ETF1: variants seen among roughly 807,000 people sequenced by gnomAD.
ETF1 encodes the protein eukaryotic peptide chain release factor subunit 1.
Under a neutral mutation model 55.1 loss-of-function variants are expected in ETF1, and 4 were observed. That is an observed-to-expected ratio of 0.07 (90% CI 0.04 to 0.17). ETF1 has a LOEUF of 0.17. Among genes scored for constraint, ETF1 ranks in the 10% least tolerant of loss-of-function variants. The pLI, the probability that ETF1 is intolerant of heterozygous loss-of-function variation, is 1.00. For missense variants in ETF1, 142 were observed against 523.6 expected (o/e 0.27, Z 7.11); for synonymous variants, 157 against 182.3 (o/e 0.86, Z 1.12).
In ETF1 at chr5:138,508,026, C is replaced by G; in HGVS notation, c.*279G>C. 1 of 352,406 alleles carries G rather than the reference C, an allele frequency of 2.8e-6. No homozygotes were observed. Among genetic ancestry groups the G allele is most frequent in the Non-Finnish European group, 5.1e-6 (1 of 196,322 alleles). 21.8% of individuals were successfully genotyped at this position (352,406 alleles called of 1,614,324 possible). A position where few individuals can be genotyped will look rare whatever the true frequency, so the allele number is the denominator to read the frequency against. On this transcript the variant is annotated 3_prime_UTR_variant, in exon 11 of 11. Transcript: ENST00000360541. ...AAAATACAAGAGCAACCAATTTCAC[C>G]ATCCAGTAAAAGTAAAAACTGGGAT...
At chr5:138,527,429 C>A (rs1183458845) in intron 2 of ETF1, among the ~76,000 whole-genome samples, 1 of 152,226 alleles carries the variant, frequency 6.6e-6, no homozygotes, top group Non-Finnish European at 1.5e-5. Flanking sequence ...TGATACACTG[C>A]TTCAGTTATC....
chr5:138,542,781 T>A lies in ETF1; in HGVS notation c.86+52A>T, dbSNP rs533944230. The A allele has an allele frequency of 1.1e-4, 182 of 1,602,746 alleles. 2 individuals are homozygous for A. The South Asian group carries it at 1.8e-3, about 16-fold the overall frequency. On this transcript the variant is annotated intron_variant, in intron 2 of 10. Coordinates refer to ENST00000360541, the MANE Select transcript of ETF1 (RefSeq NM_004730.4). ...CCATGCGGCGCGGGGGCGTCCATCC[T>A]GAGGGGTCCGGGAACCAAGAGGGCA... is the stretch of plus-strand genomic sequence containing the variant.
At chr5:138,540,744 C>A (rs1055375216) in intron 2 of ETF1, among the ~76,000 whole-genome samples, 1 of 152,188 alleles carries the variant, frequency 6.6e-6, no homozygotes, top group Non-Finnish European at 1.5e-5. Context: ...ACTTGAAATA[C>A]AAGTTGTGTC....
At chr5:138,517,319 C>T (rs916868372) in intron 4 of ETF1, among the ~76,000 whole-genome samples, 43 of 151,028 alleles carry the variant, frequency 2.8e-4, no homozygotes, top group Middle Eastern at 3.5e-3. Context: ...TGCAGTGAGC[C>T]GAGATCATAC....
rs1053336007 is a variant in ETF1, at chr5:138,506,162, A to G, written c.*2143T>C. On this transcript the variant is annotated 3_prime_UTR_variant, in exon 11 of 11. Transcript: ENST00000360541. ...TCACAACACCAAGATTTTGCTGCTTAGTATCTCTCTGCAGAGGCTATAGAG... is the reference window on the plus strand; with the variant it reads ...TCACAACACCAAGATTTTGCTGCTTGGTATCTCTCTGCAGAGGCTATAGAG... 3.3e-5 allele frequency: 5 copies of G among 152,644 alleles called. No homozygotes were observed. The highest frequency in any genetic ancestry group is 1.2e-4 in the African/African-American group (5 of 41,450). 9.5% of individuals were successfully genotyped at this position (152,644 alleles called of 1,614,324 possible).
chr5:138,517,824 G>C, intron 3 of ETF1, 124 bp from the exon 4 acceptor site: 1 of 1,300,152 alleles, frequency 7.7e-7, no homozygotes, highest in East Asian at 2.8e-5. Context: ...AAATAAAGCA[G>C]AAAAAGCTTG....
intron 2 of ETF1, among the ~76,000 whole-genome samples, chr5:138,526,547 T>C (rs142214536): frequency 6.6e-6 from 1 of 152,212 alleles, no homozygotes; most frequent in African/African-American, 2.4e-5. Context: ...GCCTACCCCC[T>C]GCCCCCCAGG....
At chr5:138,525,733 G>A (rs1203947569) in intron 2 of ETF1, among the ~76,000 whole-genome samples, 1 of 151,798 alleles carries the variant, frequency 6.6e-6, no homozygotes. Context: ...ATCACCTGAG[G>A]TCAGGAGTTC....
intron 2 of ETF1, among the ~76,000 whole-genome samples, chr5:138,522,958 A>C (rs1219761251): frequency 6.6e-6 from 1 of 152,104 alleles, no homozygotes; most frequent in East Asian, 1.9e-4. Context: ...GTTAGCCAAG[A>C]TAGCGCCACT....
At chr5:138,511,683 C>G (rs1190516077) in intron 6 of ETF1, 79 bp from the exon 7 acceptor site, 1 of 1,477,738 alleles carries the variant, frequency 6.8e-7, no homozygotes, top group Non-Finnish European at 9.0e-7. Context: ...CTCAAACCCA[C>G]TAACTCTTAA....
intron 2 of ETF1, among the ~76,000 whole-genome samples, chr5:138,533,441 A>G (rs1270440909): frequency 6.6e-6 from 1 of 152,132 alleles, no homozygotes; most frequent in Non-Finnish European, 1.5e-5. Context: ...TAATCCCAGC[A>G]CTTTGAGAGG....
intron 2 of ETF1, among the ~76,000 whole-genome samples, chr5:138,536,736 A>T (rs1011873458): frequency 1.2e-4 from 18 of 152,114 alleles, no homozygotes; most frequent in African/African-American, 4.3e-4. Flanking sequence ...AGGATCGAAG[A>T]CCATTTATAG....
chr5:138,542,772 C>G (rs1243431852), intron 2 of ETF1, 61 bp downstream of exon 2: 5 of 1,594,054 alleles, frequency 3.1e-6, no homozygotes, highest in Non-Finnish European at 3.4e-6. Flanking sequence ...GGCGCGGGGG[C>G]GTCCATCCTG....
chr5:138,515,939 T>C (rs904255204), intron 4 of ETF1, among the ~76,000 whole-genome samples: 2 of 152,242 alleles, frequency 1.3e-5, no homozygotes, highest in African/African-American at 4.8e-5. Flanking sequence ...TCATCCACTG[T>C]AAACTGTCGA....
chr5:138,538,212 C>T lies in ETF1; in HGVS notation c.86+4621G>A, dbSNP rs112185044. The stretch of plus-strand genomic sequence containing the variant: ...GCCTGGGCCCCTATTATTTTTGAGA[C>T]AGAGTTTCACTCTGTTGCCCAGGCT... On this transcript the variant is annotated intron_variant, in intron 2 of 10. Transcript: ENST00000360541. Among the ~76,000 whole-genome samples, 589 of 140,512 alleles carry T rather than the reference C, an allele frequency of 4.2e-3. 18 individuals carry two copies. Among genetic ancestry groups the T allele is most frequent in the South Asian group, 0.04 (175 of 4,338 alleles). 92.2% of individuals were successfully genotyped at this position (140,512 alleles called of 152,430 possible). A position where few individuals can be genotyped will look rare whatever the true frequency, so the allele number is the denominator to read the frequency against.
intron 2 of ETF1, among the ~76,000 whole-genome samples, chr5:138,542,221 G>A (rs772720746): frequency 6.6e-6 from 1 of 152,098 alleles, no homozygotes; most frequent in Non-Finnish European, 1.5e-5. Flanking sequence ...TTTATAGGTG[G>A]GTCCTGGAAC....
intron 2 of ETF1, among the ~76,000 whole-genome samples, chr5:138,524,268 G>A (rs1046063769): frequency 6.6e-6 from 1 of 151,486 alleles, no homozygotes; most frequent in Non-Finnish European, 1.5e-5. Flanking sequence ...CACGAGAATC[G>A]CTCGAACCTG....
intron 3 of ETF1, 77 bp from the exon 4 acceptor site, chr5:138,517,777 G>T: frequency 7.5e-7 from 1 of 1,338,624 alleles, no homozygotes. Context: ...TGTTCCCATA[G>T]CCTATTTTCC....
chr5:138,541,454 T>G, intron 2 of ETF1: 1 of 1,209,978 alleles, frequency 8.3e-7, no homozygotes. Context: ...GCCAAACTTT[T>G]AGAAGCCTCA....
Sources: gnomAD v4.1 joint callset for allele counts (sites outside exome capture counted in the v4.1 genomes callset) on GRCh38, gnomAD v4.1.1 for gene constraint, MANE v1.5 for transcripts, NCBI Gene and HGNC (gene_info 2026-07-23, HGNC 2026-07-21) for gene names.